Variants in BTBD10 observed in about 807,000 individuals in gnomAD.
The protein encoded by BTBD10 is BTB domain containing 10.
Under a neutral mutation model 53.2 loss-of-function variants are expected in BTBD10, and 21 were observed. The observed-to-expected ratio is 0.39, with a 90% CI of 0.28 to 0.57. The LOEUF (loss-of-function observed/expected upper bound fraction) is 0.57, where lower values mean the gene tolerates loss of function less well. Ranked by LOEUF, BTBD10 falls within the 20% of genes least tolerant of loss-of-function variation. The probability of loss-of-function intolerance (pLI) is 0.53; values close to 1 mark genes in which losing one functional copy is unlikely to be tolerated. For missense variants in BTBD10, 360 were observed against 594.7 expected (o/e 0.61, Z 4.10); for synonymous variants, 149 against 192.7 (o/e 0.77, Z 1.88).
chr11:13,457,952 A>C lies in BTBD10; in HGVS notation c.-58+5140T>G, dbSNP rs547664107. Among the ~76,000 whole-genome samples the C allele has an allele frequency of 9.2e-5, 14 of 152,200 alleles. No individual in the cohort carries two copies. In the Middle Eastern group the frequency reaches 0.01, roughly 111 times the overall value. On this transcript the variant is annotated intron_variant, in intron 1 of 8. Coordinates refer to ENST00000278174, the MANE Select transcript of BTBD10 (RefSeq NM_032320.7). ...AGTCAGAAAGAAATTACTCCAAATA[A>C]ATCTATTTTTATAGGAAATTTTTCA...
At chr11:13,458,026 G>A (rs1040757013) in intron 1 of BTBD10, among the ~76,000 whole-genome samples, 4 of 151,490 alleles carry the variant, frequency 2.6e-5, no homozygotes, top group South Asian at 2.1e-4. Context: ...TTCAAGCTGA[G>A]TGTGGCGGTA....
At chr11:13,448,201 G>T (rs1950784399) in intron 1 of BTBD10, among the ~76,000 whole-genome samples, 1 of 151,976 alleles carries the variant, frequency 6.6e-6, no homozygotes, top group African/African-American at 2.4e-5. Flanking sequence ...TTAGAAAGGG[G>T]AAAAAAGACA....
chr11:13,410,166 T>A (rs1171766566), intron 6 of BTBD10, among the ~76,000 whole-genome samples: 1 of 152,040 alleles, frequency 6.6e-6, no homozygotes, highest in Non-Finnish European at 1.5e-5. Flanking sequence ...TTAAAAAAAA[T>A]TAAAGTTGAC....
At chr11:13,403,101 G>C in intron 8 of BTBD10, 67 bp downstream of exon 8, 1 of 968,732 alleles carries the variant, frequency 1.0e-6, no homozygotes, top group Non-Finnish European at 1.5e-6. Flanking sequence ...TTCTAAATAA[G>C]ATCCAATTGT....
rs768980297 is a variant in BTBD10, at chr11:13,421,826, A to G, written c.114T>C (p.Arg38=). ...TGTGGTCAACTCCTCCTTTAGCAAT[A>G]CGCGAGGAAGTACTGATAAGTTAGA... ...KLYKHSSTSS[R]IAKGGVDHTK... Residue 38 remains arginine, a synonymous_variant, in exon 3 of 9, where the codon CGT becomes CGC. Coordinates refer to ENST00000278174, the MANE Select transcript of BTBD10 (RefSeq NM_032320.7). 1 of 1,611,854 alleles carries G rather than the reference A, an allele frequency of 6.2e-7. No individual in the cohort carries two copies. The highest frequency in any genetic ancestry group is 1.1e-5 in the South Asian group (1 of 90,802).
At chr11:13,446,320 C>G (rs1450769885) in intron 1 of BTBD10, among the ~76,000 whole-genome samples, 5 of 152,052 alleles carry the variant, frequency 3.3e-5, no homozygotes, top group African/African-American at 4.8e-5. Flanking sequence ...ACTATACTTT[C>G]CTGAGTTTTA....
chr11:13,416,127 G>A (rs111877490), intron 5 of BTBD10, among the ~76,000 whole-genome samples: 2 of 152,040 alleles, frequency 1.3e-5, no homozygotes, highest in Non-Finnish European at 2.9e-5. Context: ...CAAGGCAGGA[G>A]GACTGCTTGA....
At chr11:13,392,397 G>C (rs1427170778) in intron 8 of BTBD10, among the ~76,000 whole-genome samples, 1 of 152,122 alleles carries the variant, frequency 6.6e-6, no homozygotes, top group Non-Finnish European at 1.5e-5. Context: ...ACAGAAGATG[G>C]TTTAGGAGAC....
intron 2 of BTBD10, among the ~76,000 whole-genome samples, chr11:13,426,976 G>C (rs1950350829): frequency 6.6e-6 from 1 of 152,178 alleles, no homozygotes. Flanking sequence ...ATAAAAGCTA[G>C]ATCCCCAGCC....
chr11:13,448,879 A>G (rs1303889912), intron 1 of BTBD10, among the ~76,000 whole-genome samples: 1 of 152,230 alleles, frequency 6.6e-6, no homozygotes, highest in Non-Finnish European at 1.5e-5. Context: ...AATCATCAAA[A>G]AATAATTACC....
intron 8 of BTBD10, among the ~76,000 whole-genome samples, chr11:13,393,318 TC>T (rs1949454499): frequency 6.6e-6 from 1 of 152,202 alleles, no homozygotes; most frequent in Admixed American, 6.5e-5. Flanking sequence ...TCTCTGGTCC[TC>T]CTCATGTCTC....
intron 1 of BTBD10, among the ~76,000 whole-genome samples, chr11:13,461,169 A>G (rs1345214607): frequency 3.9e-5 from 6 of 152,174 alleles, no homozygotes; most frequent in African/African-American, 1.4e-4. Context: ...CATAAAATTT[A>G]TTAATTTTGA....
At chr11:13,450,106 G>A (rs1950827586) in intron 1 of BTBD10, among the ~76,000 whole-genome samples, 1 of 152,158 alleles carries the variant, frequency 6.6e-6, no homozygotes, top group Non-Finnish European at 1.5e-5. Context: ...AGATAAGAGA[G>A]GGGGAATAGT....
At chr11:13,407,991 G>A (rs1413196313) in intron 6 of BTBD10, among the ~76,000 whole-genome samples, 2 of 152,130 alleles carry the variant, frequency 1.3e-5, no homozygotes, top group African/African-American at 4.8e-5. Flanking sequence ...CCTGGCACCA[G>A]ACATGTGAAT....
chr11:13,415,918 C>T (rs1486211890), intron 5 of BTBD10, among the ~76,000 whole-genome samples: 4 of 151,162 alleles, frequency 2.6e-5, no homozygotes, highest in Admixed American at 6.6e-5. Flanking sequence ...GGTCTCTTAG[C>T]GTGCTGGGAT....
At chr11:13,460,462 G>C (rs1951071147) in intron 1 of BTBD10, among the ~76,000 whole-genome samples, 1 of 152,166 alleles carries the variant, frequency 6.6e-6, no homozygotes, top group Admixed American at 6.5e-5. Context: ...GTATGAATCA[G>C]ATTATGTGAT....
At chr11:13,432,961 T>A (rs1950478636) in intron 2 of BTBD10, among the ~76,000 whole-genome samples, 1 of 152,070 alleles carries the variant, frequency 6.6e-6, no homozygotes, top group Non-Finnish European at 1.5e-5. Context: ...CTGATATAAG[T>A]AGCACTCATA....
At chr11:13,449,930 G>A (rs981310064) in intron 1 of BTBD10, among the ~76,000 whole-genome samples, 1 of 152,128 alleles carries the variant, frequency 6.6e-6, no homozygotes, top group African/African-American at 2.4e-5. Flanking sequence ...TTTTACAATG[G>A]GGATAAAGTT....
At chr11:13,423,623 T>C (rs536617848) in intron 2 of BTBD10, among the ~76,000 whole-genome samples, 1 of 152,326 alleles carries the variant, frequency 6.6e-6, no homozygotes, top group East Asian at 1.9e-4. Flanking sequence ...ACTGCTCTCC[T>C]TTAGCAAAAC....
Sources: gnomAD v4.1 joint callset for allele counts (sites outside exome capture counted in the v4.1 genomes callset) on GRCh38, gnomAD v4.1.1 for gene constraint, MANE v1.5 for transcripts, NCBI Gene and HGNC (gene_info 2026-07-23, HGNC 2026-07-21) for gene names.